NPAS3: variants seen among roughly 807,000 people sequenced by gnomAD.
NPAS3 encodes neuronal PAS domain protein 3.
In NPAS3, 14 loss-of-function variants were observed where a neutral mutation model predicts 73.1. That is an observed-to-expected ratio of 0.19 (90% CI 0.13 to 0.30). NPAS3 has a LOEUF of 0.30. Among genes scored for constraint, NPAS3 ranks in the 10% least tolerant of loss-of-function variants. The pLI is 1.00. For missense variants in NPAS3, 1,096 were observed against 1,250.0 expected (o/e 0.88, Z 1.86); for synonymous variants, 620 against 541.5 (o/e 1.14, Z -2.01).
intron 7 of NPAS3, among the ~76,000 whole-genome samples, chr14:33,760,671 T>G (rs1259252417): frequency 1.3e-5 from 2 of 150,948 alleles, no homozygotes; most frequent in Non-Finnish European, 1.5e-5. Context: ...CTAAAGCCTC[T>G]CCTTTGGGGG....
chr14:33,201,463 G>T (rs1241580317), intron 2 of NPAS3, among the ~76,000 whole-genome samples: 1 of 152,232 alleles, frequency 6.6e-6, no homozygotes, highest in African/African-American at 2.4e-5. Flanking sequence ...TAAAGACTTA[G>T]TGATCTTTTG....
In NPAS3 at chr14:33,619,068, A is replaced by G. The variant is rs2058005867; in HGVS notation, c.559-57143A>G. Among the ~76,000 whole-genome samples, 4 of 152,188 alleles carry G rather than the reference A, an allele frequency of 2.6e-5. No homozygotes were observed. The South Asian group carries it at 8.3e-4, about 32-fold the overall frequency. On this transcript the variant is annotated intron_variant, in intron 5 of 11. Coordinates refer to ENST00000356141, the Ensembl canonical transcript of NPAS3. The stretch of plus-strand genomic sequence containing the variant: ...TCTTTTTTACTGTTTCCAAATGTTC[A>G]TATCTTTATATACTTTAACGTATAG...
chr14:33,272,944 C>A (rs1257001257), intron 3 of NPAS3, among the ~76,000 whole-genome samples: 1 of 152,196 alleles, frequency 6.6e-6, no homozygotes, highest in Non-Finnish European at 1.5e-5. Flanking sequence ...ACTAATTCCT[C>A]CCCTTACTTT....
At chr14:32,962,355 G>A (rs2036960450) in intron 1 of NPAS3, among the ~76,000 whole-genome samples, 1 of 152,044 alleles carries the variant, frequency 6.6e-6, no homozygotes, top group Non-Finnish European at 1.5e-5. Flanking sequence ...TTGGCATAAA[G>A]CTGGAACAAG....
At chr14:32,989,950 T>A (rs1373754185) in intron 1 of NPAS3, among the ~76,000 whole-genome samples, 1 of 151,764 alleles carries the variant, frequency 6.6e-6, no homozygotes. Context: ...TGAATAGGGG[T>A]GGACTTGATA....
At chr14:33,686,998 A>G (rs545074873) in intron 6 of NPAS3, among the ~76,000 whole-genome samples, 5 of 152,364 alleles carry the variant, frequency 3.3e-5, no homozygotes, top group African/African-American at 1.2e-4. Flanking sequence ...GATTATTTCT[A>G]TAACCCAGAA....
intron 1 of NPAS3, among the ~76,000 whole-genome samples, chr14:33,026,310 T>A (rs538773145): frequency 6.6e-6 from 1 of 152,344 alleles, no homozygotes; most frequent in East Asian, 1.9e-4. Flanking sequence ...GTGTACCTCT[T>A]ATCTTGCTCA....
At chr14:33,313,010 C>T (rs2043065875) in intron 3 of NPAS3, among the ~76,000 whole-genome samples, 1 of 151,884 alleles carries the variant, frequency 6.6e-6, no homozygotes, top group Admixed American at 6.6e-5. Context: ...ATGGAACTTG[C>T]TTTTCCTGTC....
intron 1 of NPAS3, among the ~76,000 whole-genome samples, chr14:33,017,422 T>C (rs1463344478): frequency 6.6e-6 from 1 of 152,150 alleles, no homozygotes; most frequent in African/African-American, 2.4e-5. Flanking sequence ...TATATTATGG[T>C]TGTGGGCATT....
chr14:33,073,379 T>C (rs2138664252), intron 2 of NPAS3, among the ~76,000 whole-genome samples: 1 of 152,314 alleles, frequency 6.6e-6, no homozygotes, highest in East Asian at 1.9e-4. Context: ...ATTATGCAGA[T>C]ACATGTGGAG....
At chr14:33,737,800 GTAATCACCCCA>G (rs2140665021) in intron 7 of NPAS3, among the ~76,000 whole-genome samples, 1 of 152,166 alleles carries the variant, frequency 6.6e-6, no homozygotes, top group South Asian at 2.1e-4. Flanking sequence ...AATAAAACTG[GTAATCACCCCA>G]CCACCACACA....
intron 5 of NPAS3, among the ~76,000 whole-genome samples, chr14:33,651,826 T>A (rs1320911424): frequency 6.6e-6 from 1 of 152,222 alleles, no homozygotes; most frequent in African/African-American, 2.4e-5. Flanking sequence ...TTTGGTGGCT[T>A]ATTTTTCTTT....
intron 6 of NPAS3, among the ~76,000 whole-genome samples, chr14:33,699,458 C>A (rs2060471556): frequency 6.6e-6 from 1 of 152,046 alleles, no homozygotes; most frequent in Non-Finnish European, 1.5e-5. Context: ...ACGGAATCAC[C>A]AAGCAGTTAG....
intron 3 of NPAS3, among the ~76,000 whole-genome samples, chr14:33,299,324 G>A (rs769634939): frequency 2.6e-5 from 4 of 152,168 alleles, no homozygotes; most frequent in Non-Finnish European, 4.4e-5. Context: ...AGTTCTGGAT[G>A]TCGCTGGCCA....
rs75878298 is a variant in NPAS3 at position 33,008,918 on chromosome 14, A to T, written c.51-46987A>T. 1.4e-4 allele frequency among the ~76,000 whole-genome samples: 21 copies of T among 152,240 alleles called. No individual in the cohort carries two copies. In the East Asian group the frequency reaches 4.1e-3, roughly 29 times the overall value. ...ATACCTGTGCTTGTGTCACATTTTG[A>T]TAGGGAAGCTTATTTTGCAACATGC... On this transcript the variant is annotated intron_variant, in intron 1 of 11. Transcript: ENST00000356141.
At chr14:33,097,835 T>C (rs1250915173) in intron 2 of NPAS3, among the ~76,000 whole-genome samples, 3 of 152,218 alleles carry the variant, frequency 2.0e-5, no homozygotes, top group Admixed American at 6.5e-5. Context: ...GTTTTTTTAC[T>C]AATTTTTTTC....
intron 5 of NPAS3, among the ~76,000 whole-genome samples, chr14:33,580,599 G>A (rs1008216594): frequency 6.6e-6 from 1 of 152,124 alleles, no homozygotes; most frequent in Non-Finnish European, 1.5e-5. Flanking sequence ...GCAGAACCAG[G>A]TGTGGTTGCC....
At chr14:33,556,893 T>C (rs2055380114) in intron 4 of NPAS3, among the ~76,000 whole-genome samples, 2 of 152,232 alleles carry the variant, frequency 1.3e-5, no homozygotes, top group African/African-American at 4.8e-5. Flanking sequence ...TCTTTCTTTG[T>C]GTTGTTGCTC....
intron 4 of NPAS3, among the ~76,000 whole-genome samples, chr14:33,397,621 C>G (rs1032416797): frequency 6.6e-6 from 1 of 152,046 alleles, no homozygotes; most frequent in Non-Finnish European, 1.5e-5. Flanking sequence ...CTATATGCAC[C>G]AAGTTTTATA....
Sources: allele counts gnomAD v4.1 joint callset (sites outside exome capture counted in the v4.1 genomes callset), GRCh38; gene constraint gnomAD v4.1.1; transcripts MANE v1.5; gene names NCBI Gene and HGNC (gene_info 2026-07-23, HGNC 2026-07-21).